The following HACL2 variants were observed in gnomAD, a reference collection of about 807,000 sequenced individuals.
The protein encoded by HACL2 is 2-hydroxyacyl-CoA lyase 1 like.
chr19:15,116,301 A>G, the HACL2 span: 10 of 1,614,008 alleles, frequency 6.2e-6, no homozygotes, highest in Non-Finnish European at 8.5e-6. Flanking sequence ...GTGCTGGGCC[A>G]CAGGCATCGC....
chr19:15,123,457 A>C, the HACL2 span: 1 of 1,614,142 alleles, frequency 6.2e-7, no homozygotes, highest in East Asian at 2.2e-5. This position sits in a 1 kb window ranked among gnomAD's most constrained non-coding sequence, Gnocchi z 5.1. Flanking sequence ...CCAGTTTCTC[A>C]CAGGCCACCA....
At chr19:15,125,031 G>A in the HACL2 span, 1 of 1,564,272 alleles carries the variant, frequency 6.4e-7, no homozygotes, top group Non-Finnish European at 8.7e-7. Context: ...TAAGCTCCCA[G>A]CGGGGGCGGC....
the HACL2 span, chr19:15,117,935 C>A: frequency 1.9e-6 from 3 of 1,614,078 alleles, no homozygotes; most frequent in South Asian, 3.3e-5. Context: ...AACATCTCTT[C>A]CCGATTACGA....
chr19:15,115,546 C>A, the HACL2 span: 2 of 1,608,792 alleles, frequency 1.2e-6, no homozygotes, highest in Admixed American at 1.7e-5. Flanking sequence ...GTCCTCCCAA[C>A]CTCGCTGAGG....
At chr19:15,119,487 C>T in the HACL2 span, 140 of 1,614,062 alleles carry the variant, frequency 8.7e-5, 1 homozygote, top group South Asian at 5.3e-4. Context: ...CCTCTTGGCC[C>T]GGCTCAGGAT....
chr19:15,115,952 G>A, the HACL2 span: 5 of 1,614,116 alleles, frequency 3.1e-6, no homozygotes, highest in Non-Finnish European at 4.2e-6. Flanking sequence ...GATGGTTAGG[G>A]TGGATCAGGA....
chr19:15,122,809 A>C, the HACL2 span: 9 of 1,614,108 alleles, frequency 5.6e-6, no homozygotes, highest in South Asian at 9.9e-5. The surrounding 1 kb of genome is among the most constrained non-coding windows in gnomAD (Gnocchi z 4.0). Flanking sequence ...CCGGACCTGC[A>C]GGGACAGGGA....
chr19:15,116,289 A>G, the HACL2 span: 21 of 1,613,886 alleles, frequency 1.3e-5, no homozygotes, highest in East Asian at 4.7e-4. Context: ...CACTGGGTTC[A>G]GGTGCTGGGC....
At chr19:15,119,999 G>A in the HACL2 span, 3 of 1,549,652 alleles carry the variant, frequency 1.9e-6, no homozygotes, top group Non-Finnish European at 1.7e-6. Context: ...GGGGAAGCCT[G>A]GGGGATGTCC....
At chr19:15,118,828 C>T in the HACL2 span, among the ~76,000 whole-genome samples, 114 of 152,334 alleles carry the variant, frequency 7.5e-4, no homozygotes, top group Middle Eastern at 3.4e-3. Flanking sequence ...TACAGGTGAG[C>T]AAGCCCAGCC....
the HACL2 span, chr19:15,122,664 G>A: frequency 6.4e-7 from 1 of 1,573,432 alleles, no homozygotes. The surrounding 1 kb of genome is among the most constrained non-coding windows in gnomAD (Gnocchi z 4.0). Context: ...GGGGATAAAG[G>A]AGGGAATGGC....
At chr19:15,122,988 G>A in the HACL2 span, 86 of 1,603,176 alleles carry the variant, frequency 5.4e-5, no homozygotes, top group African/African-American at 1.3e-4. This position sits in a 1 kb window ranked among gnomAD's most constrained non-coding sequence, Gnocchi z 4.0. Context: ...CAGAGTGGCC[G>A]GAAAAGGGAC....
chr19:15,123,058 T>C, the HACL2 span: 1 of 1,608,672 alleles, frequency 6.2e-7, no homozygotes, highest in Non-Finnish European at 8.5e-7. The surrounding 1 kb of genome is among the most constrained non-coding windows in gnomAD (Gnocchi z 5.1). Context: ...GTGGCAGGGT[T>C]ATCGCATGAG....
the HACL2 span, chr19:15,119,266 A>C: frequency 6.2e-7 from 1 of 1,609,932 alleles, no homozygotes; most frequent in Non-Finnish European, 8.5e-7. Context: ...CCATCCCTCC[A>C]AGGAAGCAGG....
chr19:15,121,213 C>T, the HACL2 span, among the ~76,000 whole-genome samples: 5 of 152,074 alleles, frequency 3.3e-5, no homozygotes, highest in Non-Finnish European at 5.9e-5. Flanking sequence ...GAGCCAAGAT[C>T]GCACTACTGC....
At chr19:15,115,775 C>A in the HACL2 span, 3 of 1,569,318 alleles carry the variant, frequency 1.9e-6, no homozygotes, top group Admixed American at 3.3e-5. Flanking sequence ...GAGGCTCCCT[C>A]CCCACCTCAG....
At chr19:15,125,188 G>T in the HACL2 span, 1 of 1,024,370 alleles carries the variant, frequency 9.8e-7, no homozygotes, top group Non-Finnish European at 1.4e-6. Context: ...TTTCTGTGCG[G>T]CCACGCCCCC....
the HACL2 span, chr19:15,124,884 T>G: frequency 6.4e-7 from 1 of 1,569,964 alleles, no homozygotes; most frequent in Non-Finnish European, 8.6e-7. Context: ...CCCCTCCCTC[T>G]TTGACTGCCC....
At chr19:15,123,761 C>T in the HACL2 span, 2 of 599,762 alleles carry the variant, frequency 3.3e-6, no homozygotes, top group Admixed American at 3.0e-5. The surrounding 1 kb of genome is among the most constrained non-coding windows in gnomAD (Gnocchi z 5.1). Context: ...AACATCTTAT[C>T]AGATCCTCTT....
Sources: allele counts gnomAD v4.1 joint callset (sites outside exome capture counted in the v4.1 genomes callset), GRCh38; gene constraint gnomAD v4.1.1; non-coding constraint Gnocchi (gnomAD v3.1); transcripts MANE v1.5; gene names NCBI Gene and HGNC (gene_info 2026-07-23, HGNC 2026-07-21).